The following TPTE variants were observed in gnomAD, a reference collection of about 807,000 sequenced individuals.
TPTE encodes putative tyrosine-protein phosphatase TPTE.
TPTE carries 59 observed loss-of-function variants against 84.1 expected under a neutral mutation model. The ratio of observed to expected loss-of-function variants is 0.70; its 90% CI spans 0.57 to 0.87. The LOEUF is 0.87. Ranked by LOEUF, TPTE falls within the 40% of genes least tolerant of loss-of-function variation. TPTE has a pLI of 0.00. For missense variants in TPTE, 382 were observed against 659.6 expected (o/e 0.58, Z 4.61); for synonymous variants, 130 against 223.5 (o/e 0.58, Z 3.73).
intron 10 of TPTE, among the ~76,000 whole-genome samples, chr21:10,563,002 A>G (rs965735090): frequency 6.6e-6 from 1 of 152,304 alleles, no homozygotes; most frequent in Non-Finnish European, 1.5e-5. Context: ...GGATCTTAAA[A>G]GCAGCAAGAG....
In TPTE at chr21:10,605,428, C is replaced by T; in HGVS notation, c.1532C>T (p.Pro511Leu). The stretch of plus-strand genomic sequence containing the variant: ...TTTTCTATTCTTAGGCTTTATCTAC[C>T]AAAAAATGAATTGGATAATCTACAT... ...SFIENNRLYL[P>L]KNELDNLHKQ... Residue 511 changes from proline to leucine, a missense_variant, in exon 24 of 24, where the codon CCA (proline) becomes CTA (leucine). Coordinates refer to ENST00000618007, the MANE Select transcript of TPTE (RefSeq NM_199261.4). 6.2e-7 allele frequency: 1 copy of T among 1,613,838 alleles called. No homozygotes were observed. Among genetic ancestry groups the T allele is most frequent in the Non-Finnish European group, 8.5e-7 (1 of 1,179,846 alleles).
At position 10,572,337 on chromosome 21, in the gene TPTE, A is replaced by T. The variant is rs372738579; in HGVS notation, c.795+1788A>T. Among the ~76,000 whole-genome samples the T allele has an allele frequency of 2.1e-3, 316 of 151,660 alleles. No homozygotes were observed. In the East Asian group the frequency reaches 0.054, roughly 26 times the overall value. ...TGTGGTGGCGTGAACCTGTAGTTCC[A>T]GTTACTTGGGAGGCTGAATCACGAG... On this transcript the variant is annotated intron_variant, in intron 14 of 23. Transcript: ENST00000618007.
intron 9 of TPTE, among the ~76,000 whole-genome samples, chr21:10,560,321 TATA>T (rs1316096203): frequency 6.6e-6 from 1 of 152,312 alleles, no homozygotes; most frequent in African/African-American, 2.4e-5. Flanking sequence ...ATTTATACGA[TATA>T]ATTGTTTCCT....
intron 21 of TPTE, among the ~76,000 whole-genome samples, chr21:10,601,313 G>A (rs1391279915): frequency 6.6e-6 from 1 of 152,308 alleles, no homozygotes; most frequent in Non-Finnish European, 1.5e-5. Flanking sequence ...GACCATCCTG[G>A]TCAACATGGT....
At chr21:10,574,212 T>G (rs1192540965) in intron 14 of TPTE, among the ~76,000 whole-genome samples, 1 of 152,312 alleles carries the variant, frequency 6.6e-6, no homozygotes, top group Non-Finnish European at 1.5e-5. Flanking sequence ...TGTTTAATTT[T>G]ATGTAATTTA....
chr21:10,589,596 C>G (rs2075428214), intron 17 of TPTE, among the ~76,000 whole-genome samples: 1 of 152,312 alleles, frequency 6.6e-6, no homozygotes, highest in Non-Finnish European at 1.5e-5. Flanking sequence ...GTGTCTTTCC[C>G]CCACAAAGTC....
intron 3 of TPTE, among the ~76,000 whole-genome samples, chr21:10,535,800 A>G (rs2074256461): frequency 6.6e-6 from 1 of 152,308 alleles, no homozygotes; most frequent in Non-Finnish European, 1.5e-5. Context: ...GGTGCCCCAA[A>G]CCCAAACCCA....
intron 8 of TPTE, among the ~76,000 whole-genome samples, chr21:10,554,818 T>G (rs2074648168): frequency 6.6e-6 from 1 of 152,308 alleles, no homozygotes; most frequent in African/African-American, 2.4e-5. Context: ...TCTTAAGGTA[T>G]AAAGTGTAGA....
intron 9 of TPTE, among the ~76,000 whole-genome samples, chr21:10,560,579 C>T (rs1285820003): frequency 3.9e-5 from 6 of 152,298 alleles, no homozygotes; most frequent in Admixed American, 1.3e-4. Context: ...AAATCTTGGT[C>T]TTTTAAGAGC....
At position 10,602,262 on chromosome 21, in the gene TPTE, A is replaced by G. The variant is rs113741035; in HGVS notation, c.1449+112A>G. On this transcript the variant is annotated intron_variant, in intron 22 of 23. Coordinates refer to ENST00000618007, the MANE Select transcript of TPTE (RefSeq NM_199261.4). ...AGGGAGGGGTAGGGGGAAGAAAACA[A>G]TAAATCAGATCTATAACAAATTTTT... The G allele has an allele frequency of 2.7e-4, 360 of 1,330,158 alleles. No individual in the cohort carries two copies. In the African/African-American group the frequency reaches 4.0e-3, roughly 15 times the overall value. The allele number at this position is 1,330,158 out of a possible 1,614,324, so 82.4% of individuals were successfully genotyped here.
chr21:10,535,310 A>G (rs1294380021), intron 3 of TPTE, among the ~76,000 whole-genome samples: 3 of 152,420 alleles, frequency 2.0e-5, no homozygotes, highest in Admixed American at 6.5e-5. Context: ...GTAAGTGTAT[A>G]TATACATATA....
intron 13 of TPTE, 67 bp from the exon 14 acceptor site, chr21:10,570,418 T>C: frequency 1.2e-6 from 2 of 1,610,854 alleles, no homozygotes; most frequent in Non-Finnish European, 1.7e-6. Context: ...CATGTATAAA[T>C]TAATTTTTTT....
intron 10 of TPTE, among the ~76,000 whole-genome samples, chr21:10,565,919 T>C (rs1371677281): frequency 1.3e-5 from 2 of 152,310 alleles, no homozygotes; most frequent in African/African-American, 4.8e-5. Flanking sequence ...AAGAGAACAT[T>C]GGGAAGAATC....
intron 10 of TPTE, among the ~76,000 whole-genome samples, chr21:10,561,945 C>T (rs1410520997): frequency 6.6e-6 from 1 of 152,312 alleles, no homozygotes; most frequent in Non-Finnish European, 1.5e-5. Flanking sequence ...CCGTGCTGTG[C>T]TGGCCTCAGG....
chr21:10,546,531 C>T (rs1265961684), intron 7 of TPTE, among the ~76,000 whole-genome samples: 2 of 152,308 alleles, frequency 1.3e-5, no homozygotes, highest in Non-Finnish European at 2.9e-5. Context: ...TGCACCACTT[C>T]AGCCAAGTTG....
At chr21:10,579,059 T>C (rs550596940) in intron 17 of TPTE, among the ~76,000 whole-genome samples, 10 of 152,298 alleles carry the variant, frequency 6.6e-5, no homozygotes, top group African/African-American at 2.2e-4. Flanking sequence ...AATGGCTAAA[T>C]CAAGCTAATT....
intron 1 of TPTE, among the ~76,000 whole-genome samples, 183 bp from the exon 2 acceptor site, chr21:10,524,396 GA>G (rs1210445020): frequency 6.6e-6 from 1 of 152,300 alleles, no homozygotes; most frequent in African/African-American, 2.4e-5. Context: ...GGTACTGGGG[GA>G]CAACCCGTGG....
intron 4 of TPTE, among the ~76,000 whole-genome samples, chr21:10,540,121 G>A (rs2074340924): frequency 1.3e-5 from 2 of 152,312 alleles, no homozygotes; most frequent in African/African-American, 4.8e-5. Context: ...GTCTTAGTAT[G>A]TACATGTTAA....
intron 17 of TPTE, among the ~76,000 whole-genome samples, chr21:10,589,479 G>T (rs1379328074): frequency 6.6e-6 from 1 of 151,930 alleles, no homozygotes; most frequent in Admixed American, 6.5e-5. Context: ...CAGCCCTAGG[G>T]GTAGGGGGAT....
Sources: gnomAD v4.1 joint callset for allele counts (sites outside exome capture counted in the v4.1 genomes callset) on GRCh38, gnomAD v4.1.1 for gene constraint, MANE v1.5 for transcripts, NCBI Gene and HGNC (gene_info 2026-07-23, HGNC 2026-07-21) for gene names.